Variants in GLI3 observed in about 807,000 individuals in gnomAD.
GLI3 encodes the protein transcription activator GLI3.
GLI3 carries 20 observed loss-of-function variants against 100.8 expected under a neutral mutation model. The ratio of observed to expected loss-of-function variants is 0.20; its 90% CI spans 0.14 to 0.29. The LOEUF (loss-of-function observed/expected upper bound fraction) is 0.29, where lower values mean the gene tolerates loss of function less well. Ranked by LOEUF, GLI3 falls within the 10% of genes least tolerant of loss-of-function variation. GLI3 has a pLI of 1.00. For synonymous variants in GLI3, 938 were observed against 860.5 expected (o/e 1.09, Z -1.58); for missense variants, 2,040 against 2,128.5 (o/e 0.96, Z 0.82).
chr7:42,159,744 A>G (rs748619040), intron 2 of GLI3, among the ~76,000 whole-genome samples: 1 of 152,230 alleles, frequency 6.6e-6, no homozygotes. Flanking sequence ...TAAATAAATA[A>G]TAAACGTGCA....
At chr7:42,223,615 T>A (rs1383444539) in intron 1 of GLI3, among the ~76,000 whole-genome samples, 1 of 152,180 alleles carries the variant, frequency 6.6e-6, no homozygotes, top group African/African-American at 2.4e-5. Flanking sequence ...GAAACAAGTG[T>A]CACATTACTT....
intron 4 of GLI3, among the ~76,000 whole-genome samples, chr7:42,053,722 G>A (rs988979512): frequency 1.3e-5 from 2 of 152,150 alleles, no homozygotes; most frequent in Admixed American, 6.5e-5. Flanking sequence ...TCATTGGAGG[G>A]AGACACAAAC....
At chr7:42,008,496 T>C (rs1175569555) in intron 10 of GLI3, among the ~76,000 whole-genome samples, 1 of 152,206 alleles carries the variant, frequency 6.6e-6, no homozygotes, top group East Asian at 1.9e-4. Flanking sequence ...GGTTGGAGCA[T>C]AGTGGCTATT....
intron 3 of GLI3, among the ~76,000 whole-genome samples, chr7:42,117,623 T>C (rs1785892085): frequency 6.6e-6 from 1 of 152,208 alleles, no homozygotes; most frequent in Non-Finnish European, 1.5e-5. Flanking sequence ...CAGGACTCGT[T>C]AGTGAAAATA....
chr7:41,982,697 CAAAAA>C (rs200821387), intron 10 of GLI3, among the ~76,000 whole-genome samples: 5 of 114,760 alleles, frequency 4.4e-5, no homozygotes, highest in Non-Finnish European at 3.8e-5. Context: ...GAACTTGTCT[CAAAAA>C]AAAAAAAAAA....
intron 10 of GLI3, among the ~76,000 whole-genome samples, chr7:42,015,766 T>G (rs1041783140): frequency 4.1e-5 from 6 of 146,614 alleles, no homozygotes; most frequent in South Asian, 4.6e-4. Context: ...CCCCCACACA[T>G]AGGTATATTT....
chr7:42,226,549 C>G (rs1306760485), intron 1 of GLI3, among the ~76,000 whole-genome samples: 1 of 152,172 alleles, frequency 6.6e-6, no homozygotes, highest in Non-Finnish European at 1.5e-5. Context: ...CTACCCCCGT[C>G]TGAAATGGAT....
intron 3 of GLI3, among the ~76,000 whole-genome samples, chr7:42,077,627 C>T (rs773077606): frequency 5.9e-5 from 9 of 151,908 alleles, no homozygotes; most frequent in East Asian, 1.9e-4. Flanking sequence ...TCCAACGCTC[C>T]GGGTTCCTGA....
At chr7:41,976,150 G>A (rs1182200213) in intron 12 of GLI3, among the ~76,000 whole-genome samples, 3 of 151,978 alleles carry the variant, frequency 2.0e-5, no homozygotes, top group African/African-American at 7.2e-5. Flanking sequence ...CTATCTCTAT[G>A]TATCTATCTA....
In GLI3 at chr7:41,964,264, C is replaced by T; in HGVS notation, c.*66G>A. 1.4e-6 allele frequency: 2 copies of T among 1,439,534 alleles called. No individual in the cohort carries two copies. The highest frequency in any genetic ancestry group is 9.8e-7 in the Non-Finnish European group (1 of 1,025,296). 89.2% of individuals were successfully genotyped at this position (1,439,534 alleles called of 1,614,324 possible). ...TACAGAACTAAAAAAACAGCCAAAA[C>T]AAAGTCAGTTTAATCTCTTCAACTC... On this transcript the variant is annotated 3_prime_UTR_variant, in exon 15 of 15. Transcript: ENST00000395925.
chr7:42,108,943 G>T lies in GLI3; in HGVS notation c.368-32086C>A, dbSNP rs551758492. On this transcript the variant is annotated intron_variant, in intron 3 of 14. Transcript: ENST00000395925. ...TAACCTGAAACACCCTCCCACCCCT[G>T]TCTCTGAGAACTGGAAGTCTGACGC... is the stretch of plus-strand genomic sequence containing the variant. Among the ~76,000 whole-genome samples, 42 of 151,008 alleles carry T rather than the reference G, an allele frequency of 2.8e-4. No homozygotes were observed. The South Asian group carries it at 3.6e-3, about 13-fold the overall frequency.
At chr7:42,196,529 C>T (rs753905909) in intron 2 of GLI3, among the ~76,000 whole-genome samples, 1 of 152,212 alleles carries the variant, frequency 6.6e-6, no homozygotes, top group Non-Finnish European at 1.5e-5. Flanking sequence ...AAGCATCCTT[C>T]AGCATCCCCT....
chr7:42,154,881 T>G (rs1168814197), intron 2 of GLI3, among the ~76,000 whole-genome samples: 1 of 152,216 alleles, frequency 6.6e-6, no homozygotes, highest in Non-Finnish European at 1.5e-5. Context: ...GGTCAGACTT[T>G]GCCCTTGTGC....
At position 41,963,561 on chromosome 7, in the gene GLI3, G is replaced by C. The variant is rs1787064623; in HGVS notation, c.*769C>G. 6.6e-6 allele frequency: 1 copy of C among 152,244 alleles called. No homozygotes were observed. Among genetic ancestry groups the C allele is most frequent in the Non-Finnish European group, 1.5e-5 (1 of 68,066 alleles). The allele number at this position is 152,244 out of a possible 1,614,324, so 9.4% of individuals were successfully genotyped here. A position where few individuals can be genotyped will look rare whatever the true frequency, so the allele number is the denominator to read the frequency against. On this transcript the variant is annotated 3_prime_UTR_variant, in exon 15 of 15. Coordinates refer to ENST00000395925, the MANE Select transcript of GLI3 (RefSeq NM_000168.6). ...CACTGAATGTTCATGAAGGTAGTGGGAGGAGAGGCAAATGTGATAACTGAG... is the reference window on the plus strand; with the variant it reads ...CACTGAATGTTCATGAAGGTAGTGGCAGGAGAGGCAAATGTGATAACTGAG...
chr7:42,044,499 C>T (rs966967516), intron 6 of GLI3, among the ~76,000 whole-genome samples: 1 of 152,130 alleles, frequency 6.6e-6, no homozygotes, highest in Non-Finnish European at 1.5e-5. Flanking sequence ...CTAAGGGACC[C>T]CAAAATAAGT....
At chr7:42,009,480 CTTTTTTTT>C (rs3030324) in intron 10 of GLI3, among the ~76,000 whole-genome samples, 27 of 118,364 alleles carry the variant, frequency 2.3e-4, no homozygotes, top group Middle Eastern at 4.5e-3. Context: ...GCAAATTGTT[CTTTTTTTT>C]TTTTTTTTTT....
intron 10 of GLI3, among the ~76,000 whole-genome samples, chr7:41,982,089 C>T (rs973492727): frequency 2.6e-5 from 4 of 152,110 alleles, no homozygotes; most frequent in Non-Finnish European, 4.4e-5. Flanking sequence ...CCCTTAGACC[C>T]GAGTCCCAAC....
intron 2 of GLI3, among the ~76,000 whole-genome samples, chr7:42,203,626 A>G (rs1788091898): frequency 1.3e-5 from 2 of 152,182 alleles, no homozygotes; most frequent in Admixed American, 6.5e-5. Flanking sequence ...CCATTTGCCC[A>G]TGGACATGGG....
At chr7:42,082,421 G>A (rs1785015212) in intron 3 of GLI3, among the ~76,000 whole-genome samples, 1 of 152,176 alleles carries the variant, frequency 6.6e-6, no homozygotes, top group African/African-American at 2.4e-5. Flanking sequence ...GAGCTGATCC[G>A]CCCTCTGAGG....
Sources: gnomAD v4.1 joint callset for allele counts (sites outside exome capture counted in the v4.1 genomes callset) on GRCh38, gnomAD v4.1.1 for gene constraint, MANE v1.5 for transcripts, NCBI Gene and HGNC (gene_info 2026-07-23, HGNC 2026-07-21) for gene names.